HDAC9: variants seen among roughly 807,000 people sequenced by gnomAD.
HDAC9 encodes MEF-2 interacting transcription repressor (MITR) protein.
HDAC9 carries 41 observed loss-of-function variants against 139.4 expected under a neutral mutation model. The observed-to-expected ratio is 0.29, with a 90% CI of 0.23 to 0.38. HDAC9 has a LOEUF of 0.38. Ranked by LOEUF, HDAC9 falls within the 10% of genes least tolerant of loss-of-function variation. The pLI is 1.00. For missense variants in HDAC9, 1,147 were observed against 1,297.0 expected, an observed-to-expected ratio of 0.88 and a Z score of 1.78; for synonymous variants, 517 against 476.2, an observed-to-expected ratio of 1.09 and a Z score of -1.12.
chr7:18,863,428 A>G (rs1297621863), intron 21 of HDAC9, among the ~76,000 whole-genome samples: 1 of 152,164 alleles, frequency 6.6e-6, no homozygotes, highest in Non-Finnish European at 1.5e-5. Flanking sequence ...TTCTTAAAAC[A>G]TAATGTTTTT....
chr7:18,139,736 A>G (rs1785748569), intron 1 of HDAC9, among the ~76,000 whole-genome samples: 1 of 152,176 alleles, frequency 6.6e-6, no homozygotes, highest in Non-Finnish European at 1.5e-5. Context: ...TGTATTGTCC[A>G]GGTGGGCCCT....
At chr7:18,397,340 A>C (rs1391085492) in intron 1 of HDAC9, among the ~76,000 whole-genome samples, 2 of 152,162 alleles carry the variant, frequency 1.3e-5, no homozygotes, top group Non-Finnish European at 2.9e-5. Context: ...CTCAGAATGC[A>C]CTGAGAGGCA....
At chr7:18,910,561 C>T (rs1079954) in intron 22 of HDAC9, among the ~76,000 whole-genome samples, 1 of 151,596 alleles carries the variant, frequency 6.6e-6, no homozygotes, top group East Asian at 1.9e-4. Context: ...TGCTCTGACT[C>T]GGACTTCTAG....
chr7:18,529,179 G>A (rs1203724631), intron 2 of HDAC9, among the ~76,000 whole-genome samples: 5 of 151,602 alleles, frequency 3.3e-5, no homozygotes, highest in African/African-American at 1.2e-4. Context: ...AAAATAACCA[G>A]AGAAGAAAAA....
chr7:18,790,281 G>C (rs144860259), intron 16 of HDAC9, among the ~76,000 whole-genome samples: 1 of 151,920 alleles, frequency 6.6e-6, no homozygotes, highest in Non-Finnish European at 1.5e-5. Context: ...AGCTCAAATC[G>C]CTAATCTGAT....
chr7:18,429,521 C>A (rs1469783965), intron 1 of HDAC9, among the ~76,000 whole-genome samples: 2 of 151,674 alleles, frequency 1.3e-5, no homozygotes, highest in African/African-American at 2.4e-5. Flanking sequence ...AGATGGCTAT[C>A]CATAAGTTTG....
rs559192978 is a variant in HDAC9, at chr7:18,532,187, T to C, written c.22+35863T>C. On this transcript the variant is annotated intron_variant, in intron 2 of 25. Coordinates refer to ENST00000686413, the MANE Select transcript of HDAC9 (RefSeq NM_178425.4). The stretch of plus-strand genomic sequence containing the variant: ...ATTGCTTGAACCTGGGAGGTGGAGG[T>C]TGCAGTGAGCCCAGATCACACCACT... 2.6e-5 allele frequency among the ~76,000 whole-genome samples: 4 copies of C among 152,078 alleles called. No individual in the cohort carries two copies. In the South Asian group the frequency reaches 8.3e-4, roughly 32 times the overall value.
intron 2 of HDAC9, among the ~76,000 whole-genome samples, chr7:18,519,096 A>G (rs1054357986): frequency 1.3e-5 from 2 of 152,202 alleles, no homozygotes; most frequent in Non-Finnish European, 2.9e-5. Context: ...TGAAGACCCT[A>G]CTTCATAGAT....
At position 18,980,705 on chromosome 7, in the gene HDAC9, T is replaced by C. The variant is rs1435390315; in HGVS notation, c.3170+4752T>C. 7.0e-3 allele frequency among the ~76,000 whole-genome samples: 964 copies of C among 138,344 alleles called. 14 individuals carry two copies. The highest frequency in any genetic ancestry group is 0.015 in the African/African-American group (573 of 38,428). The allele number at this position is 138,344 out of a possible 152,430, so 90.8% of individuals were successfully genotyped here. On this transcript the variant is annotated intron_variant, in intron 25 of 25. Coordinates refer to ENST00000686413, the MANE Select transcript of HDAC9 (RefSeq NM_178425.4). ...TTCTTCTTGTTCTTCTTCCTTCTTC[T>C]TCCTTCTTCCTCTTCTTCTTCCTTC... is the stretch of plus-strand genomic sequence containing the variant.
chr7:18,578,222 C>G (rs1302064956), intron 2 of HDAC9: 2 of 519,018 alleles, frequency 3.9e-6, no homozygotes, highest in Non-Finnish European at 7.7e-6. Flanking sequence ...TGGGCTTCTT[C>G]TGAGCAGTAG....
chr7:18,156,096 A>T (rs1194802609), intron 1 of HDAC9, among the ~76,000 whole-genome samples: 1 of 152,140 alleles, frequency 6.6e-6, no homozygotes, highest in African/African-American at 2.4e-5. Flanking sequence ...GAGTATCCTT[A>T]CATCTCTGTA....
intron 2 of HDAC9, chr7:18,509,389 C>T (rs1003072153): frequency 1.9e-5 from 19 of 985,220 alleles, no homozygotes; most frequent in Non-Finnish European, 2.0e-5. Flanking sequence ...AGACTGAGAC[C>T]GAGCCAAACT....
intron 2 of HDAC9, among the ~76,000 whole-genome samples, chr7:18,205,890 G>A (rs967662975): frequency 4.6e-5 from 7 of 151,998 alleles, no homozygotes; most frequent in Non-Finnish European, 8.8e-5. Context: ...AGGGAAAATC[G>A]GAGCCCATAC....
intron 22 of HDAC9, among the ~76,000 whole-genome samples, chr7:18,894,471 A>C (rs1221861463): frequency 1.3e-5 from 2 of 152,158 alleles, no homozygotes; most frequent in African/African-American, 4.8e-5. Flanking sequence ...TAAAGGGTCA[A>C]GTAAGATAAA....
At chr7:18,139,334 C>G (rs968373983) in intron 1 of HDAC9, among the ~76,000 whole-genome samples, 1 of 151,846 alleles carries the variant, frequency 6.6e-6, no homozygotes. Flanking sequence ...GTCATGTTGC[C>G]CAGGCTGGTC....
At chr7:18,894,042 G>T (rs1800944343) in intron 22 of HDAC9, among the ~76,000 whole-genome samples, 1 of 152,148 alleles carries the variant, frequency 6.6e-6, no homozygotes, top group Non-Finnish European at 1.5e-5. Flanking sequence ...TTAAAGGTGA[G>T]TGAACTGGAT....
At chr7:18,785,783 T>C (rs1030724341) in intron 16 of HDAC9, among the ~76,000 whole-genome samples, 19 of 152,098 alleles carry the variant, frequency 1.2e-4, no homozygotes, top group Admixed American at 1.0e-3. Context: ...CAGCTCATAG[T>C]TTTCTCAGTT....
intron 1 of HDAC9, among the ~76,000 whole-genome samples, chr7:18,349,401 A>G (rs989560070): frequency 1.3e-5 from 2 of 150,398 alleles, no homozygotes; most frequent in Non-Finnish European, 2.9e-5. Flanking sequence ...TTTTTTCTCT[A>G]TAGCAGTGAT....
chr7:18,446,257 T>C (rs906592580), intron 1 of HDAC9, among the ~76,000 whole-genome samples: 1 of 152,240 alleles, frequency 6.6e-6, no homozygotes, highest in African/African-American at 2.4e-5. Context: ...ATAAATAGTT[T>C]ATTGTCATAT....
Sources: gnomAD v4.1 joint callset for allele counts (sites outside exome capture counted in the v4.1 genomes callset) on GRCh38, gnomAD v4.1.1 for gene constraint, MANE v1.5 for transcripts, NCBI Gene and HGNC (gene_info 2026-07-23, HGNC 2026-07-21) for gene names.